The following PAX8 variants were observed in gnomAD, a reference collection of about 807,000 sequenced individuals.
PAX8 encodes the protein paired box protein Pax-8.
In PAX8, 15 loss-of-function variants were observed where a neutral mutation model predicts 52.4. That is an observed-to-expected ratio of 0.29 (90% CI 0.19 to 0.44). The LOEUF (loss-of-function observed/expected upper bound fraction) is 0.44, where lower values mean the gene tolerates loss of function less well. Among genes scored for constraint, PAX8 ranks in the 20% least tolerant of loss-of-function variants. The pLI, the probability that PAX8 is intolerant of heterozygous loss-of-function variation, is 1.00. For missense variants in PAX8, 554 were observed against 602.5 expected, an observed-to-expected ratio of 0.92 and a Z score of 0.84; for synonymous variants, 284 against 249.7, an observed-to-expected ratio of 1.14 and a Z score of -1.29.
rs1558700795 is a variant in PAX8 at position 113,235,563 on chromosome 2, G to A, written c.918C>T (p.Ala306=). 1 of 1,612,700 alleles carries A rather than the reference G, an allele frequency of 6.2e-7. No individual in the cohort carries two copies. The highest frequency in any genetic ancestry group is 8.5e-7 in the Non-Finnish European group (1 of 1,179,020). The part of the protein sequence containing the change: ...PVVADPHSPF[A]IKQETPEVSS... ...ACACCTCGGGGGTTTCCTGCTTTAT[G>A]GCGAAGGGTGAGTGAGGATCTGCCG... The change falls in exon 9 of 12, where the codon GCC becomes GCT. Residue 306 remains alanine, a synonymous_variant. Transcript: ENST00000429538.
In PAX8 at chr2:113,246,737, G is replaced by T. The variant is rs771861335; in HGVS notation, c.191+17C>A. On this transcript the variant is annotated intron_variant, in intron 3 of 11. Transcript: ENST00000429538. ...AGCCCTGCGGGGAAGGCGGCCTGCG[G>T]TGAATTTCGTGCTTACCTGCCAAGG... The T allele has an allele frequency of 1.2e-6, 2 of 1,609,586 alleles. No individual in the cohort carries two copies. Among genetic ancestry groups the T allele is most frequent in the South Asian group, 2.2e-5 (2 of 90,984 alleles).
chr2:113,267,794 T>A (rs1693186751), intron 2 of PAX8: 1 of 152,254 alleles, frequency 6.6e-6, no homozygotes, highest in African/African-American at 2.4e-5. Flanking sequence ...CACATACTTC[T>A]ACATTTTAAA....
At chr2:113,235,895 C>A in intron 8 of PAX8, 1 of 386,808 alleles carries the variant, frequency 2.6e-6, no homozygotes, top group East Asian at 4.4e-5. Flanking sequence ...ACCCCTCGGC[C>A]CACCTTGAGG....
At chr2:113,267,549 G>A (rs903912459) in intron 2 of PAX8, 8 of 152,194 alleles carry the variant, frequency 5.3e-5, no homozygotes, top group Non-Finnish European at 7.3e-5. Flanking sequence ...GAACAGGGAG[G>A]TCACATGTCA....
chr2:113,236,874 G>A (rs577459577), intron 7 of PAX8, 153 bp from the exon 8 acceptor site: 506 of 876,972 alleles, frequency 5.8e-4, no homozygotes, highest in Non-Finnish European at 7.8e-4. Context: ...AACTCCACTC[G>A]GCACGTTTCG....
At chr2:113,261,394 A>C (rs1450150241) in intron 2 of PAX8, among the ~76,000 whole-genome samples, 1 of 152,156 alleles carries the variant, frequency 6.6e-6, no homozygotes, top group Non-Finnish European at 1.5e-5. Flanking sequence ...AGAGCTCTAG[A>C]GGGAAACATT....
rs1386758606 is a variant in PAX8, at chr2:113,218,084, T to C, written c.*449A>G. ...GAGAGCCTCGGCACCAGGCTGTGAC[T>C]TGTGGGCTGGAGGGAAGTGCTTATG... On this transcript the variant is annotated 3_prime_UTR_variant, in exon 12 of 12. Coordinates refer to ENST00000429538, the MANE Select transcript of PAX8 (RefSeq NM_003466.4). The C allele has an allele frequency of 4.3e-6, 1 of 234,928 alleles. No homozygotes were observed. The highest frequency in any genetic ancestry group is 8.4e-6 in the Non-Finnish European group (1 of 119,390). 14.6% of individuals were successfully genotyped at this position (234,928 alleles called of 1,614,324 possible).
chr2:113,278,305 C>T, intron 2 of PAX8, 65 bp downstream of exon 2: 1 of 1,284,936 alleles, frequency 7.8e-7, no homozygotes, highest in Non-Finnish European at 1.1e-6. Flanking sequence ...TCCAACCACC[C>T]GAGCGCACGC....
chr2:113,234,719 C>A (rs1488766934), intron 9 of PAX8, among the ~76,000 whole-genome samples: 1 of 152,140 alleles, frequency 6.6e-6, no homozygotes, highest in Admixed American at 6.5e-5. Flanking sequence ...GGGGTTTCAT[C>A]ATCTTGGCCA....
At chr2:113,257,294 T>C (rs1460908954) in intron 2 of PAX8, among the ~76,000 whole-genome samples, 1 of 152,168 alleles carries the variant, frequency 6.6e-6, no homozygotes, top group Admixed American at 6.5e-5. Flanking sequence ...TGTTACCGAT[T>C]GACTCCTAGC....
Position 113,218,495 on chromosome 2 carries a change from C to G in PAX8, c.*38G>C. On this transcript the variant is annotated 3_prime_UTR_variant, in exon 12 of 12. Transcript: ENST00000429538. ...TCTGGGGCCTGTCCCAGGCTGAGTC[C>G]TCCTGTTGCTCAGTCGCTCCCACTG... The G allele has an allele frequency of 7.7e-7, 1 of 1,301,336 alleles. No homozygotes were observed. 80.6% of individuals were successfully genotyped at this position (1,301,336 alleles called of 1,614,324 possible). A position where few individuals can be genotyped will look rare whatever the true frequency, so the allele number is the denominator to read the frequency against.
At chr2:113,233,496 G>A (rs150715022) in intron 9 of PAX8, among the ~76,000 whole-genome samples, 3,007 of 152,078 alleles carry the variant, frequency 0.02, 99 homozygotes, top group African/African-American at 0.068. Flanking sequence ...TGGCTAACAT[G>A]GTGAAACCCC....
intron 2 of PAX8, chr2:113,265,364 C>G (rs1257955150): frequency 6.6e-6 from 1 of 152,168 alleles, no homozygotes; most frequent in African/African-American, 2.4e-5. Flanking sequence ...TGCACTTTAC[C>G]CAGACGTTCT....
intron 1 of PAX8, 170 bp downstream of exon 1, chr2:113,278,661 G>A: frequency 1.6e-6 from 1 of 640,672 alleles, no homozygotes; most frequent in Non-Finnish European, 2.6e-6. Flanking sequence ...TTGGGAGTGC[G>A]CTGAAGAAGC....
intron 2 of PAX8, among the ~76,000 whole-genome samples, chr2:113,260,171 G>A (rs1692562176): frequency 6.6e-6 from 1 of 152,142 alleles, no homozygotes; most frequent in Non-Finnish European, 1.5e-5. Context: ...GACAGTCCTT[G>A]CCCTTGAGAA....
chr2:113,267,662 G>C (rs1034121053), intron 2 of PAX8: 13 of 152,234 alleles, frequency 8.5e-5, no homozygotes, highest in African/African-American at 3.1e-4. Context: ...TCTAGCAACT[G>C]TGAGTACAGC....
At chr2:113,241,109 C>T (rs749399821) in intron 7 of PAX8, 16 of 313,972 alleles carry the variant, frequency 5.1e-5, no homozygotes, top group Admixed American at 3.7e-4. Flanking sequence ...GAGGTGTGAG[C>T]GAGGGTGGTG....
chr2:113,278,430 G>A lies in PAX8; in HGVS notation c.-36C>T, dbSNP rs1693986917. The A allele has an allele frequency of 4.3e-6, 7 of 1,609,952 alleles. No individual in the cohort carries two copies. The highest frequency in any genetic ancestry group is 1.1e-5 in the South Asian group (1 of 90,818). ...TCGCTCGCAGCCCGCCGAGGGCTCG[G>A]GGCTTCCTCCCGTAGGTCCGGGCCG... On this transcript the variant is annotated 5_prime_UTR_variant, in exon 2 of 12. Coordinates refer to ENST00000429538, the MANE Select transcript of PAX8 (RefSeq NM_003466.4).
chr2:113,278,161 C>A lies in PAX8; in HGVS notation c.25+209G>T, dbSNP rs2277883. Reference sequence around the variant, plus strand: ...GTGGTCCCTCGAAACCGGGCAAGGGCGGCTCAGCTGGCCGGGTGGAACCCC... The same window carrying A: ...GTGGTCCCTCGAAACCGGGCAAGGGAGGCTCAGCTGGCCGGGTGGAACCCC... On this transcript the variant is annotated intron_variant, in intron 2 of 11. Coordinates refer to ENST00000429538, the MANE Select transcript of PAX8 (RefSeq NM_003466.4). 5.2e-4 allele frequency among the ~76,000 whole-genome samples: 79 copies of A among 152,336 alleles called. No individual in the cohort carries two copies. The East Asian group carries it at 0.014, about 28-fold the overall frequency.
Sources: allele counts gnomAD v4.1 joint callset (sites outside exome capture counted in the v4.1 genomes callset), GRCh38; gene constraint gnomAD v4.1.1; transcripts MANE v1.5; gene names NCBI Gene and HGNC (gene_info 2026-07-23, HGNC 2026-07-21).